Variants in CDH8 observed in about 807,000 individuals in gnomAD.
The protein encoded by CDH8 is cadherin-8.
In CDH8, 17 loss-of-function variants were observed where a neutral mutation model predicts 68.1. The observed-to-expected ratio is 0.25, with a 90% CI of 0.17 to 0.37. The LOEUF (loss-of-function observed/expected upper bound fraction) is 0.37, where lower values mean the gene tolerates loss of function less well. Among genes scored for constraint, CDH8 ranks in the 10% least tolerant of loss-of-function variants. CDH8 has a pLI of 1.00. For synonymous variants in CDH8, 372 were observed against 365.1 expected (o/e 1.02, Z -0.21); for missense variants, 763 against 999.3 (o/e 0.76, Z 3.19).
chr16:61,877,848 C>A (rs1235582861), intron 3 of CDH8, among the ~76,000 whole-genome samples: 1 of 151,998 alleles, frequency 6.6e-6, no homozygotes, highest in African/African-American at 2.4e-5. Flanking sequence ...ATTTTTGGAA[C>A]CTTCAGTAGC....
At chr16:61,943,624 A>C (rs1026828192) in intron 2 of CDH8, among the ~76,000 whole-genome samples, 4 of 152,182 alleles carry the variant, frequency 2.6e-5, no homozygotes, top group African/African-American at 9.7e-5. Context: ...CAGACACACA[A>C]GGCATTTTAT....
At chr16:61,873,209 T>C (rs909436256) in intron 3 of CDH8, among the ~76,000 whole-genome samples, 2 of 152,190 alleles carry the variant, frequency 1.3e-5, no homozygotes, top group African/African-American at 4.8e-5. Flanking sequence ...AAAAGATTAA[T>C]TATTTTGATA....
intron 9 of CDH8, among the ~76,000 whole-genome samples, chr16:61,720,327 C>T (rs747242526): frequency 1.3e-5 from 2 of 150,954 alleles, no homozygotes; most frequent in Non-Finnish European, 3.0e-5. Context: ...CTTTAAAAAA[C>T]CTGCTCATCA....
chr16:61,731,715 G>A (rs1036729659), intron 8 of CDH8, among the ~76,000 whole-genome samples: 4 of 151,658 alleles, frequency 2.6e-5, no homozygotes, highest in African/African-American at 9.7e-5. Flanking sequence ...TCCAAAAAAA[G>A]TTACATGACA....
intron 9 of CDH8, among the ~76,000 whole-genome samples, chr16:61,721,532 G>T (rs1959217381): frequency 6.6e-6 from 1 of 150,786 alleles, no homozygotes; most frequent in South Asian, 2.1e-4. Flanking sequence ...TTCATTGCTA[G>T]TGTTTATCTA....
intron 9 of CDH8, among the ~76,000 whole-genome samples, chr16:61,717,913 C>G (rs1964761113): frequency 6.6e-6 from 1 of 151,294 alleles, no homozygotes; most frequent in Non-Finnish European, 1.5e-5. Flanking sequence ...CTTATCAGCA[C>G]TGTGATATAT....
chr16:62,023,421 C>A (rs73568759), intron 1 of CDH8, among the ~76,000 whole-genome samples: 1 of 152,208 alleles, frequency 6.6e-6, no homozygotes, highest in African/African-American at 2.4e-5. Flanking sequence ...GACCTTCAGT[C>A]TTTTCTTCTG....
intron 2 of CDH8, among the ~76,000 whole-genome samples, chr16:61,949,371 T>C (rs1168764720): frequency 6.6e-6 from 1 of 151,992 alleles, no homozygotes; most frequent in African/African-American, 2.4e-5. Context: ...CAATCAGCAC[T>C]CTGTAAAGTG....
intron 10 of CDH8, among the ~76,000 whole-genome samples, chr16:61,676,870 G>A (rs1963922610): frequency 1.3e-5 from 2 of 152,000 alleles, no homozygotes; most frequent in South Asian, 2.1e-4. Flanking sequence ...GTGTGCAAAG[G>A]ATTGACTGCA....
At chr16:62,023,510 A>G (rs1424519326) in intron 1 of CDH8, among the ~76,000 whole-genome samples, 1 of 152,186 alleles carries the variant, frequency 6.6e-6, no homozygotes, top group East Asian at 1.9e-4. Flanking sequence ...AACCAGCCAG[A>G]TCATGGGAAA....
chr16:61,746,087 T>G (rs1169814034), intron 8 of CDH8, among the ~76,000 whole-genome samples: 1 of 152,124 alleles, frequency 6.6e-6, no homozygotes, highest in Non-Finnish European at 1.5e-5. Flanking sequence ...GCTAAAATAT[T>G]TGTTTAGCTT....
intron 2 of CDH8, among the ~76,000 whole-genome samples, chr16:62,009,737 G>T (rs1174305575): frequency 6.6e-6 from 1 of 152,032 alleles, no homozygotes; most frequent in Non-Finnish European, 1.5e-5. Flanking sequence ...ATTACACTCT[G>T]GTCACCAAGC....
chr16:61,855,499 A>AT (rs1178677456), intron 4 of CDH8, among the ~76,000 whole-genome samples: 6 of 152,172 alleles, frequency 3.9e-5, no homozygotes, highest in Admixed American at 1.3e-4. Flanking sequence ...AGCCTTTGTG[A>AT]TTTTTTTCTC....
chr16:61,912,927 A>G (rs1459711853), intron 2 of CDH8, among the ~76,000 whole-genome samples: 1 of 152,170 alleles, frequency 6.6e-6, no homozygotes, highest in Non-Finnish European at 1.5e-5. Context: ...AAATATTTTT[A>G]AAAAGAAAAC....
intron 7 of CDH8, among the ~76,000 whole-genome samples, chr16:61,791,746 C>T (rs540015199): frequency 2.0e-5 from 3 of 152,042 alleles, no homozygotes; most frequent in East Asian, 1.9e-4. Flanking sequence ...GGAGCAAAAA[C>T]GGGGTATTTG....
chr16:61,872,355 C>T (rs529204845), intron 3 of CDH8, among the ~76,000 whole-genome samples: 5 of 152,188 alleles, frequency 3.3e-5, no homozygotes, highest in East Asian at 1.9e-4. Context: ...ATGCATTTTA[C>T]GGAGACATGA....
chr16:62,024,054 A>G (rs753859937), intron 1 of CDH8, among the ~76,000 whole-genome samples: 2 of 151,930 alleles, frequency 1.3e-5, no homozygotes, highest in Non-Finnish European at 2.9e-5. Flanking sequence ...GTTGATCTCC[A>G]TCTCGAACTC....
At position 61,650,888 on chromosome 16, in the gene CDH8, G is replaced by T. The variant is rs1442946869; in HGVS notation, c.*2720C>A. On this transcript the variant is annotated 3_prime_UTR_variant, in exon 12 of 12. Coordinates refer to ENST00000577390, the MANE Select transcript of CDH8 (RefSeq NM_001796.5). ...TTAAACACAAAATGCTGACACTGTG[G>T]TGGCAAAGAAAGTCAGCAAGAGATG... is the stretch of plus-strand genomic sequence containing the variant. 1 of 152,010 alleles carries T rather than the reference G, an allele frequency of 6.6e-6. No homozygotes were observed. Among genetic ancestry groups the T allele is most frequent in the Non-Finnish European group, 1.5e-5 (1 of 68,006 alleles). The allele number at this position is 152,010 out of a possible 1,614,324, so 9.4% of individuals were successfully genotyped here.
rs768192713 is a variant in CDH8 at position 61,820,876 on chromosome 16, C to T, written c.1023+50G>A. 3.3e-6 allele frequency: 5 copies of T among 1,514,690 alleles called. No homozygotes were observed. The South Asian group carries it at 6.0e-5, about 18-fold the overall frequency. 93.8% of individuals were successfully genotyped at this position (1,514,690 alleles called of 1,614,324 possible). On this transcript the variant is annotated intron_variant, in intron 6 of 11. Transcript: ENST00000577390. ...ACACAAGTCCCTCAACTTTAAAACT[C>T]AAGTTTCAACAAGATATTTTGAAGA...
Sources: allele counts gnomAD v4.1 joint callset (sites outside exome capture counted in the v4.1 genomes callset), GRCh38; gene constraint gnomAD v4.1.1; transcripts MANE v1.5; gene names NCBI Gene and HGNC (gene_info 2026-07-23, HGNC 2026-07-21).